The following PCDHA2 variants were observed in gnomAD, a reference collection of about 807,000 sequenced individuals.
The protein encoded by PCDHA2 is protocadherin alpha 2, also known as protocadherin alpha-2.
Under a neutral mutation model 66.0 loss-of-function variants are expected in PCDHA2, and 58 were observed. That is an observed-to-expected ratio of 0.88 (90% CI 0.71 to 1.09). The LOEUF is 1.09. Among genes scored for constraint, PCDHA2 ranks in the 50% least tolerant of loss-of-function variants. The pLI is 0.00. For missense variants in PCDHA2, 1,267 were observed against 1,242.3 expected, an observed-to-expected ratio of 1.02 and a Z score of -0.30; for synonymous variants, 634 against 554.0, an observed-to-expected ratio of 1.14 and a Z score of -2.03.
intron 1 of PCDHA2, chr5:140,803,556 G>A: frequency 6.2e-7 from 1 of 1,614,228 alleles, no homozygotes. Context: ...GGATAGAGAG[G>A]AGAAACAGGA....
intron 1 of PCDHA2, chr5:140,876,480 C>A (rs368324550): frequency 6.2e-7 from 1 of 1,613,992 alleles, no homozygotes; most frequent in Non-Finnish European, 8.5e-7. Context: ...ACAGCATGGT[C>A]CTGGTGGAAG....
intron 1 of PCDHA2, chr5:140,857,400 C>A: frequency 6.3e-7 from 1 of 1,598,488 alleles, no homozygotes; most frequent in Non-Finnish European, 8.6e-7. Flanking sequence ...AACGACAACG[C>A]GCCTGCGTTC....
intron 1 of PCDHA2, chr5:140,869,464 G>C: frequency 6.2e-7 from 1 of 1,614,198 alleles, no homozygotes; most frequent in Non-Finnish European, 8.5e-7. Context: ...CCATGTGAAC[G>C]TGGAGGTGAA....
chr5:140,798,700 G>A (rs1762352286), intron 1 of PCDHA2, among the ~76,000 whole-genome samples: 1 of 152,186 alleles, frequency 6.6e-6, no homozygotes, highest in Admixed American at 6.5e-5. Flanking sequence ...TCCAAAAGAT[G>A]AGGCCTGGTC....
chr5:140,940,666 A>G (rs1398290925), intron 1 of PCDHA2, among the ~76,000 whole-genome samples: 1 of 152,176 alleles, frequency 6.6e-6, no homozygotes, highest in Non-Finnish European at 1.5e-5. Flanking sequence ...TTAAATCTTC[A>G]TCTGATAATT....
rs373307820 is a variant in PCDHA2 at position 140,857,638 on chromosome 5, A to G, written c.2388+60286A>G. The G allele has an allele frequency of 1.1e-4, 174 of 1,596,206 alleles. 22 individuals are homozygous for G. The highest frequency in any genetic ancestry group is 1.4e-4 in the Non-Finnish European group (161 of 1,167,602). ...TGGACCACGAGGAGCTGGAGCTGCT[A>G]CAGTTCCAGGTGAGCGCGCGCGATG... is the stretch of plus-strand genomic sequence containing the variant. On this transcript the variant is annotated intron_variant, in intron 1 of 3. Transcript: ENST00000526136.
intron 1 of PCDHA2, among the ~76,000 whole-genome samples, chr5:140,930,607 G>T (rs536411934): frequency 2.4e-4 from 36 of 152,252 alleles, no homozygotes; most frequent in African/African-American, 7.5e-4. Flanking sequence ...AATCCTAGAT[G>T]CAAGAGAAGG....
intron 1 of PCDHA2, chr5:140,802,579 CG>C (rs1168536006): frequency 6.2e-7 from 1 of 1,613,788 alleles, no homozygotes; most frequent in Admixed American, 1.7e-5. Context: ...TCCGAGTACA[CG>C]GTGTTCGTGA....
intron 1 of PCDHA2, chr5:140,864,363 C>G (rs1389030549): frequency 6.6e-6 from 1 of 152,156 alleles, no homozygotes; most frequent in Non-Finnish European, 1.5e-5. Flanking sequence ...GTTTATCTTT[C>G]TATAATCGAT....
chr5:140,830,020 G>A (rs782361791), intron 1 of PCDHA2: 3 of 1,613,754 alleles, frequency 1.9e-6, no homozygotes, highest in Admixed American at 1.7e-5. Flanking sequence ...CGGACTCTCC[G>A]CGCCACCGGC....
chr5:140,979,414 T>C (rs1410205907), intron 2 of PCDHA2, among the ~76,000 whole-genome samples: 1 of 152,242 alleles, frequency 6.6e-6, no homozygotes, highest in African/African-American at 2.4e-5. Flanking sequence ...CCTTGTTTTT[T>C]TTTTAATCTC....
intron 1 of PCDHA2, among the ~76,000 whole-genome samples, chr5:140,978,557 T>C (rs1262121525): frequency 6.6e-6 from 1 of 152,246 alleles, no homozygotes; most frequent in Non-Finnish European, 1.5e-5. Flanking sequence ...TGCCCTGTTA[T>C]AGCTGTAATA....
chr5:140,802,544 C>A (rs374473436), intron 1 of PCDHA2: 16 of 1,614,192 alleles, frequency 9.9e-6, no homozygotes, highest in Non-Finnish European at 8.5e-6. Context: ...CCGACGTGAA[C>A]GACAATGCGC....
At position 140,801,294 on chromosome 5, in the gene PCDHA2, T is replaced by C. The variant is rs376147788; in HGVS notation, c.2388+3942T>C. ...GGAGGTGGGGAGCGGCCAGCTCCAC[T>C]ACTCCGTCTCTGAGGAGGCCAAGCA... is the stretch of plus-strand genomic sequence containing the variant. On this transcript the variant is annotated intron_variant, in intron 1 of 3. Transcript: ENST00000526136. 5.0e-6 allele frequency: 8 copies of C among 1,613,408 alleles called. No individual in the cohort carries two copies. In the African/African-American group the frequency reaches 9.3e-5, roughly 19 times the overall value.
At chr5:140,848,789 G>A in intron 1 of PCDHA2, 1 of 1,593,198 alleles carries the variant, frequency 6.3e-7, no homozygotes, top group East Asian at 2.2e-5. Flanking sequence ...TGTGCGGGCG[G>A]AGCGCGGAGT....
intron 1 of PCDHA2, among the ~76,000 whole-genome samples, chr5:140,891,305 C>T (rs2063030266): frequency 6.6e-6 from 1 of 152,042 alleles, no homozygotes; most frequent in South Asian, 2.1e-4. Context: ...TATTTGATTA[C>T]ATGAGTAAGT....
intron 1 of PCDHA2, chr5:140,869,624 A>G: frequency 6.2e-7 from 1 of 1,613,850 alleles, no homozygotes; most frequent in African/African-American, 1.3e-5. Flanking sequence ...AGGCTAAGTA[A>G]AAATGAGTAT....
chr5:140,839,394 TG>T (rs201675395), intron 1 of PCDHA2, among the ~76,000 whole-genome samples: 1,897 of 151,840 alleles, frequency 0.012, 32 homozygotes, highest in Middle Eastern at 0.017. Flanking sequence ...ATGATGATGA[TG>T]ATTATTATTT....
intron 1 of PCDHA2, among the ~76,000 whole-genome samples, chr5:140,845,265 T>C (rs1779776321): frequency 6.7e-6 from 1 of 149,658 alleles, no homozygotes; most frequent in African/African-American, 2.4e-5. Flanking sequence ...GTGTTTTCCT[T>C]TGTGAAAGTA....
Sources: allele counts gnomAD v4.1 joint callset (sites outside exome capture counted in the v4.1 genomes callset), GRCh38; gene constraint gnomAD v4.1.1; transcripts MANE v1.5; gene names NCBI Gene and HGNC (gene_info 2026-07-23, HGNC 2026-07-21).